The following TMEM132B variants were observed in gnomAD, a reference collection of about 807,000 sequenced individuals.
TMEM132B encodes transmembrane protein 132B.
A neutral mutation model predicts 90.8 loss-of-function variants in TMEM132B; 18 were observed. The observed-to-expected ratio is 0.20, with a 90% CI of 0.14 to 0.29. TMEM132B has a LOEUF of 0.29. Among genes scored for constraint, TMEM132B ranks in the 10% least tolerant of loss-of-function variants. The pLI is 1.00. For missense variants in TMEM132B, 1,096 were observed against 1,326.8 expected, an observed-to-expected ratio of 0.83 and a Z score of 2.70; for synonymous variants, 504 against 523.3, an observed-to-expected ratio of 0.96 and a Z score of 0.50.
intron 5 of TMEM132B, among the ~76,000 whole-genome samples, chr12:125,595,064 C>T (rs1012283936): frequency 6.6e-6 from 1 of 151,696 alleles, no homozygotes; most frequent in Non-Finnish European, 1.5e-5. Flanking sequence ...CAACCTCTTC[C>T]TACTCAGTTC....
chr12:125,354,118 G>A (rs1365355892), intron 2 of TMEM132B, among the ~76,000 whole-genome samples: 1 of 152,150 alleles, frequency 6.6e-6, no homozygotes, highest in Non-Finnish European at 1.5e-5. Flanking sequence ...TAAAGCGACA[G>A]GAGAGGGAGA....
At chr12:125,531,001 G>A (rs899412258) in intron 4 of TMEM132B, among the ~76,000 whole-genome samples, 4 of 152,168 alleles carry the variant, frequency 2.6e-5, no homozygotes, top group South Asian at 2.1e-4. Flanking sequence ...GCACCTTCGC[G>A]TGTGCAGTGA....
chr12:125,434,866 C>T (rs1168433159), intron 3 of TMEM132B, among the ~76,000 whole-genome samples: 3 of 152,144 alleles, frequency 2.0e-5, no homozygotes, highest in Non-Finnish European at 4.4e-5. Context: ...TCTGATGCAG[C>T]GGGGTCAGGA....
chr12:125,640,753 C>A lies in TMEM132B; in HGVS notation c.1438-3323C>A, dbSNP rs546654394. On this transcript the variant is annotated intron_variant, in intron 5 of 8. Coordinates refer to ENST00000682704, the MANE Select transcript of TMEM132B (RefSeq NM_001366854.1). ...TGGATTCAGTACAGGTAAAATGAGG[C>A]TCATGGCACCCACCTCGTGGCATTA... Among the ~76,000 whole-genome samples the A allele has an allele frequency of 1.3e-3, 204 of 152,226 alleles. 1 individual carries two copies. Among genetic ancestry groups the A allele is most frequent in the African/African-American group, 4.5e-3 (186 of 41,536 alleles).
Position 125,409,502 on chromosome 12 carries a change from C to T in TMEM132B, c.960-6029C>T, listed in dbSNP as rs571523235. ...AGAGGGGTGGGAAGACTGAGGCGAG[C>T]GAGAAAAATAATTGTGTCCCAAGCC... On this transcript the variant is annotated intron_variant, in intron 2 of 8. Coordinates refer to ENST00000682704, the MANE Select transcript of TMEM132B (RefSeq NM_001366854.1). Among the ~76,000 whole-genome samples, 94 of 151,954 alleles carry T rather than the reference C, an allele frequency of 6.2e-4. 3 individuals carry two copies. Among genetic ancestry groups the T allele is most frequent in the African/African-American group, 2.1e-3 (89 of 41,452 alleles).
intron 1 of TMEM132B, among the ~76,000 whole-genome samples, chr12:125,345,005 A>G (rs1160578695): frequency 2.0e-5 from 3 of 152,154 alleles, no homozygotes; most frequent in African/African-American, 7.2e-5. Flanking sequence ...CCTGGCCTTC[A>G]CGACCATGAA....
intron 3 of TMEM132B, among the ~76,000 whole-genome samples, chr12:125,476,965 T>C (rs1881898499): frequency 6.6e-6 from 1 of 152,184 alleles, no homozygotes; most frequent in African/African-American, 2.4e-5. Flanking sequence ...CAAAAAATCT[T>C]CCTCTCCACC....
At chr12:125,194,268 T>TGCG (rs1555231220) in intron 1 of TMEM132B, among the ~76,000 whole-genome samples, 6 of 149,624 alleles carry the variant, frequency 4.0e-5, no homozygotes, top group African/African-American at 1.5e-4. Context: ...ATTAACCCGT[T>TGCG]GGTGGGGGGG....
intron 3 of TMEM132B, among the ~76,000 whole-genome samples, chr12:125,439,395 G>A (rs1880800165): frequency 6.6e-6 from 1 of 152,090 alleles, no homozygotes; most frequent in Admixed American, 6.5e-5. Context: ...TCCATAGTTA[G>A]CTGTATTCTT....
chr12:125,520,565 C>G (rs1830195), intron 4 of TMEM132B, among the ~76,000 whole-genome samples: 13,243 of 152,120 alleles, frequency 0.087, 744 homozygotes, highest in South Asian at 0.18. Context: ...CCCTACATCT[C>G]CCACGTCTGG....
At chr12:125,316,869 G>A (rs1227680660) in intron 1 of TMEM132B, among the ~76,000 whole-genome samples, 2 of 152,214 alleles carry the variant, frequency 1.3e-5, no homozygotes, top group African/African-American at 4.8e-5. Context: ...GCCATGGGAG[G>A]TTTGGGAGCA....
At chr12:125,598,197 C>T (rs573201131) in intron 5 of TMEM132B, among the ~76,000 whole-genome samples, 3 of 152,274 alleles carry the variant, frequency 2.0e-5, no homozygotes, top group East Asian at 1.9e-4. Context: ...ACAGCAATTA[C>T]ACGCCATTAT....
intron 2 of TMEM132B, among the ~76,000 whole-genome samples, chr12:125,373,575 GT>G (rs1210258472): frequency 1.8e-4 from 28 of 152,072 alleles, no homozygotes; most frequent in Non-Finnish European, 3.1e-4. Flanking sequence ...GGCGCCCCCA[GT>G]CTACGGTACT....
intron 3 of TMEM132B, among the ~76,000 whole-genome samples, chr12:125,436,836 T>G (rs980897536): frequency 6.6e-6 from 1 of 152,150 alleles, no homozygotes; most frequent in African/African-American, 2.4e-5. Context: ...CTGAACTATT[T>G]ATAGTCAAGT....
At chr12:125,444,589 G>A (rs1038856965) in intron 3 of TMEM132B, among the ~76,000 whole-genome samples, 1 of 152,108 alleles carries the variant, frequency 6.6e-6, no homozygotes, top group Non-Finnish European at 1.5e-5. Flanking sequence ...ATGGTACTGG[G>A]TATTGATACT....
At chr12:125,314,073 T>C (rs1000977227) in intron 1 of TMEM132B, among the ~76,000 whole-genome samples, 2 of 152,132 alleles carry the variant, frequency 1.3e-5, no homozygotes, top group African/African-American at 4.8e-5. Context: ...ATCCAGCACC[T>C]GCCTGGGCGG....
intron 4 of TMEM132B, among the ~76,000 whole-genome samples, chr12:125,532,054 C>A (rs1052264710): frequency 1.3e-5 from 2 of 152,184 alleles, no homozygotes; most frequent in Non-Finnish European, 2.9e-5. Flanking sequence ...AAAAACATAA[C>A]AATATTACAG....
At chr12:125,558,654 G>A (rs1477335849) in intron 4 of TMEM132B, among the ~76,000 whole-genome samples, 1 of 152,164 alleles carries the variant, frequency 6.6e-6, no homozygotes, top group African/African-American at 2.4e-5. Flanking sequence ...CAGTACTTAG[G>A]AGAGCCAGCA....
chr12:125,555,588 T>C (rs1050118829), intron 4 of TMEM132B, among the ~76,000 whole-genome samples: 1 of 140,236 alleles, frequency 7.1e-6, no homozygotes, highest in Admixed American at 7.0e-5. Flanking sequence ...GGGGGAGGGA[T>C]AGCATTAGGA....
Sources: gnomAD v4.1 joint callset for allele counts (sites outside exome capture counted in the v4.1 genomes callset) on GRCh38, gnomAD v4.1.1 for gene constraint, MANE v1.5 for transcripts, NCBI Gene and HGNC (gene_info 2026-07-23, HGNC 2026-07-21) for gene names.